RASAL2: variants seen among roughly 807,000 people sequenced by gnomAD.
The protein encoded by RASAL2 is ras GTPase-activating protein nGAP.
In RASAL2, 58 loss-of-function variants were observed where a neutral mutation model predicts 128.9. The observed-to-expected ratio is 0.45, with a 90% CI of 0.36 to 0.56. The LOEUF (loss-of-function observed/expected upper bound fraction) is 0.56. RASAL2 is among the 20% of genes least tolerant of loss of function. The probability of loss-of-function intolerance (pLI) is 0.00; values close to 1 mark genes in which losing one functional copy is unlikely to be tolerated. For missense variants in RASAL2, 1,360 were observed against 1,601.6 expected, an observed-to-expected ratio of 0.85 and a Z score of 2.57; for synonymous variants, 561 against 580.8, an observed-to-expected ratio of 0.97 and a Z score of 0.49.
intron 2 of RASAL2, among the ~76,000 whole-genome samples, chr1:178,295,014 C>T (rs575843698): frequency 2.6e-5 from 4 of 152,138 alleles, no homozygotes; most frequent in Non-Finnish European, 5.9e-5. Context: ...TGTTTAAAAC[C>T]TGACTACTCC....
intron 5 of RASAL2, among the ~76,000 whole-genome samples, chr1:178,428,428 A>C (rs1300545325): frequency 2.2e-5 from 3 of 138,848 alleles, no homozygotes; most frequent in South Asian, 4.4e-4. Flanking sequence ...TTATGTCCCA[A>C]GAGATTTTCA....
chr1:178,125,942 T>C (rs975187856), intron 1 of RASAL2, among the ~76,000 whole-genome samples: 1 of 152,204 alleles, frequency 6.6e-6, no homozygotes, highest in Non-Finnish European at 1.5e-5. Context: ...GACACCTACC[T>C]AAGGAGCAAG....
rs531350572 is a variant in RASAL2 at position 178,236,477 on chromosome 1, C to A, written c.203-47087C>A. ...TCACCCCAAATTTTTACTAGTCAAC[C>A]AAGTGTTATTTTTTATCCATGTGGC... On this transcript the variant is annotated intron_variant, in intron 1 of 17. Transcript: ENST00000367649. Among the ~76,000 whole-genome samples the A allele has an allele frequency of 5.3e-5, 8 of 152,184 alleles. No individual in the cohort carries two copies. In the South Asian group the frequency reaches 1.7e-3, roughly 32 times the overall value.
At chr1:178,447,271 A>G (rs1677068949) in intron 9 of RASAL2, among the ~76,000 whole-genome samples, 1 of 152,030 alleles carries the variant, frequency 6.6e-6, no homozygotes, top group East Asian at 1.9e-4. Flanking sequence ...GCAGTGAGCT[A>G]TGGTCACATC....
chr1:178,233,371 C>G (rs539791760), intron 1 of RASAL2, among the ~76,000 whole-genome samples: 1 of 152,160 alleles, frequency 6.6e-6, no homozygotes, highest in African/African-American at 2.4e-5. Flanking sequence ...TATGCAGATT[C>G]AGAGATAGGA....
chr1:178,402,307 C>T (rs1673682125), intron 4 of RASAL2, among the ~76,000 whole-genome samples: 1 of 151,764 alleles, frequency 6.6e-6, no homozygotes, highest in South Asian at 2.1e-4. Context: ...GTCCCAGCTA[C>T]TCGGGAGGAT....
intron 3 of RASAL2, among the ~76,000 whole-genome samples, chr1:178,322,098 G>T (rs1485602973): frequency 6.6e-6 from 1 of 151,888 alleles, no homozygotes; most frequent in East Asian, 1.9e-4. Context: ...CTCCCAAAGT[G>T]CTGGGAATAC....
chr1:178,176,637 GGA>G (rs71567183), intron 1 of RASAL2, among the ~76,000 whole-genome samples: 6 of 148,822 alleles, frequency 4.0e-5, no homozygotes, highest in Admixed American at 6.7e-5. Context: ...TGAGAAAGAG[GGA>G]GAGAGAGAGA....
chr1:178,313,361 C>G (rs1005110693), intron 3 of RASAL2, among the ~76,000 whole-genome samples: 3 of 151,972 alleles, frequency 2.0e-5, no homozygotes, highest in African/African-American at 7.3e-5. Context: ...TGTTAACTAC[C>G]AAAACAATTG....
At chr1:178,349,731 A>G (rs909158415) in intron 3 of RASAL2, among the ~76,000 whole-genome samples, 1 of 152,180 alleles carries the variant, frequency 6.6e-6, no homozygotes, top group Non-Finnish European at 1.5e-5. Context: ...AGAGTTGATG[A>G]TACAAATTTA....
chr1:178,350,860 C>G (rs1305552927), intron 3 of RASAL2, among the ~76,000 whole-genome samples: 3 of 152,122 alleles, frequency 2.0e-5, no homozygotes, highest in Non-Finnish European at 4.4e-5. Flanking sequence ...TTCATTCTTG[C>G]ATTGCTACAA....
At chr1:178,219,079 C>T (rs1291721781) in intron 1 of RASAL2, among the ~76,000 whole-genome samples, 3 of 152,232 alleles carry the variant, frequency 2.0e-5, no homozygotes, top group Non-Finnish European at 2.9e-5. Context: ...TGCATTAGCA[C>T]TTGCTGCTTT....
intron 4 of RASAL2, among the ~76,000 whole-genome samples, chr1:178,394,296 C>T (rs1335576846): frequency 2.0e-5 from 3 of 152,012 alleles, no homozygotes; most frequent in South Asian, 2.1e-4. Context: ...TCTTTAACAT[C>T]GTGCTAGACT....
intron 3 of RASAL2, among the ~76,000 whole-genome samples, chr1:178,381,996 A>G (rs1426441990): frequency 6.6e-6 from 1 of 152,226 alleles, no homozygotes; most frequent in Non-Finnish European, 1.5e-5. Context: ...CATGTTCAAA[A>G]TAGTCATTTT....
At position 178,442,657 on chromosome 1, in the gene RASAL2, T is replaced by A. The variant is rs1386820342; in HGVS notation, c.928-18T>A. ...TGCAATGTCAGCTCTGAAATTCAGC[T>A]TTGTTGCCTCTTTATAGGACAATTG... On this transcript the variant is annotated intron_variant, in intron 7 of 17. Coordinates refer to ENST00000367649, the MANE Select transcript of RASAL2 (RefSeq NM_170692.4). The A allele has an allele frequency of 1.9e-6, 3 of 1,561,132 alleles. No homozygotes were observed. The East Asian group carries it at 6.8e-5, about 35-fold the overall frequency.
At chr1:178,422,363 C>T (rs1052865865) in intron 5 of RASAL2, among the ~76,000 whole-genome samples, 7 of 151,930 alleles carry the variant, frequency 4.6e-5, no homozygotes, top group Non-Finnish European at 7.4e-5. Flanking sequence ...AATGTTAATG[C>T]TTTAATCAAT....
Position 178,443,193 on chromosome 1 carries a change from C to T in RASAL2, c.1446C>T (p.Ala482=), listed in dbSNP as rs570246665. ...GAAATAAAGAGGAGTTGGCTTGTGC[C>T]TTAGTGCACATTCTTCAAAGTACTG... is the stretch of plus-strand genomic sequence containing the variant. ...SVRNKEELAC[A]LVHILQSTGR... is the part of the protein sequence containing the mutation. The change falls in exon 8 of 18, where the codon GCC becomes GCT. Residue 482 remains alanine (A), a synonymous_variant. Transcript: ENST00000367649. 8.1e-6 allele frequency: 13 copies of T among 1,612,352 alleles called. No individual in the cohort carries two copies. The highest frequency in any genetic ancestry group is 1.1e-5 in the Non-Finnish European group (13 of 1,178,692).
intron 1 of RASAL2, among the ~76,000 whole-genome samples, chr1:178,241,675 A>G (rs908263837): frequency 6.6e-5 from 10 of 152,238 alleles, no homozygotes; most frequent in Admixed American, 6.5e-5. Context: ...TGACCAAAGT[A>G]TTGCACTCAG....
chr1:178,174,381 C>T (rs1661814291), intron 1 of RASAL2, among the ~76,000 whole-genome samples: 1 of 151,978 alleles, frequency 6.6e-6, no homozygotes, highest in African/African-American at 2.4e-5. Flanking sequence ...TTAAAGTTTG[C>T]ATGGTAATAC....
Sources: gnomAD v4.1 joint callset for allele counts (sites outside exome capture counted in the v4.1 genomes callset) on GRCh38, gnomAD v4.1.1 for gene constraint, MANE v1.5 for transcripts, NCBI Gene and HGNC (gene_info 2026-07-23, HGNC 2026-07-21) for gene names.